The following MALRD1 variants were observed in gnomAD, a reference collection of about 807,000 sequenced individuals.
MALRD1 encodes the protein MAM and LDL-receptor class A domain-containing protein 1.
Under a neutral mutation model 242.1 loss-of-function variants are expected in MALRD1, and 247 were observed. That is an observed-to-expected ratio of 1.02 (90% CI 0.92 to 1.13). The LOEUF (loss-of-function observed/expected upper bound fraction) is 1.13. MALRD1 is among the 50% of genes most tolerant of loss of function. The pLI is 0.00. For synonymous variants in MALRD1, 995 were observed against 866.6 expected (o/e 1.15, Z -2.60); for missense variants, 2,989 against 2,533.1 (o/e 1.18, Z -3.86).
At chr10:19,591,779 T>C (rs1051444456) in intron 33 of MALRD1, among the ~76,000 whole-genome samples, 1 of 152,224 alleles carries the variant, frequency 6.6e-6, no homozygotes, top group Non-Finnish European at 1.5e-5. Context: ...ATTACAGGCA[T>C]GAGCCGCTAT....
intron 18 of MALRD1, among the ~76,000 whole-genome samples, chr10:19,246,284 T>C (rs944368743): frequency 1.6e-4 from 24 of 152,114 alleles, no homozygotes; most frequent in African/African-American, 5.8e-4. Context: ...TTCAGACACA[T>C]GTAGAGTTAT....
At chr10:19,180,907 T>G (rs559341523) in intron 14 of MALRD1, among the ~76,000 whole-genome samples, 1 of 152,154 alleles carries the variant, frequency 6.6e-6, no homozygotes, top group Non-Finnish European at 1.5e-5. Context: ...AGGCCCTGAA[T>G]AGACATTTCT....
chr10:19,638,101 C>CAAAAAAAAAAAAAAAAAAAA (rs56865342), intron 36 of MALRD1, among the ~76,000 whole-genome samples: 4 of 41,924 alleles, frequency 9.5e-5, no homozygotes, highest in African/African-American at 1.9e-4. Flanking sequence ...AACTCACTCT[C>CAAAAAAAAAAAAAAAAAAAA]AAAAAAAAAA....
chr10:19,531,384 G>A, intron 32 of MALRD1, 33 bp downstream of exon 32: 1 of 1,496,320 alleles, frequency 6.7e-7, no homozygotes, highest in Non-Finnish European at 9.0e-7. Context: ...TATGATCACT[G>A]AAATATGCAT....
chr10:19,061,663 G>A (rs999536402), intron 1 of MALRD1, among the ~76,000 whole-genome samples: 1 of 152,132 alleles, frequency 6.6e-6, no homozygotes, highest in Admixed American at 6.5e-5. Context: ...TGAGTTTTGA[G>A]AAGGGACCCA....
At chr10:19,705,639 T>G (rs1833827339) in intron 38 of MALRD1, among the ~76,000 whole-genome samples, 1 of 151,966 alleles carries the variant, frequency 6.6e-6, no homozygotes, top group African/African-American at 2.4e-5. Flanking sequence ...GCCACCAGCA[T>G]GATTCCTCCT....
chr10:19,448,897 C>G (rs559187018), intron 28 of MALRD1, among the ~76,000 whole-genome samples: 5 of 152,114 alleles, frequency 3.3e-5, no homozygotes, highest in African/African-American at 1.2e-4. Flanking sequence ...ACTGAATTCA[C>G]TTCATAAATC....
rs57305965 is a variant in MALRD1, at chr10:19,282,538, GT to G, written c.3257-480del. 5.7e-3 allele frequency among the ~76,000 whole-genome samples: 866 copies of G among 152,206 alleles called. 13 individuals are homozygous for G. The highest frequency in any genetic ancestry group is 0.02 in the African/African-American group (834 of 41,524). ...AAAATCGCTGGACCTGTAATTTCCT[GT>G]GATATTAGAATAAAATTATTACAAG... is the stretch of plus-strand genomic sequence containing the variant. On this transcript the variant is annotated intron_variant, in intron 20 of 39. Coordinates refer to ENST00000454679, the MANE Select transcript of MALRD1 (RefSeq NM_001142308.3).
At chr10:19,272,933 G>C (rs1339768609) in intron 19 of MALRD1, among the ~76,000 whole-genome samples, 1 of 152,124 alleles carries the variant, frequency 6.6e-6, no homozygotes, top group Non-Finnish European at 1.5e-5. Flanking sequence ...GTCTATCATT[G>C]ATGGACATTT....
intron 26 of MALRD1, among the ~76,000 whole-genome samples, chr10:19,362,734 A>T (rs890269478): frequency 6.6e-6 from 1 of 152,134 alleles, no homozygotes; most frequent in African/African-American, 2.4e-5. Context: ...ATGGGATCTG[A>T]CTTATATTTA....
At chr10:19,472,747 G>A (rs10740903) in intron 29 of MALRD1, among the ~76,000 whole-genome samples, 130,865 of 151,806 alleles carry the variant, frequency 0.86, 56,570 homozygotes, top group East Asian at 1. Flanking sequence ...CAGTGGTAAT[G>A]TCATTTATAA....
At chr10:19,243,213 C>CT (rs899516360) in intron 18 of MALRD1, among the ~76,000 whole-genome samples, 1 of 151,764 alleles carries the variant, frequency 6.6e-6, no homozygotes, top group African/African-American at 2.4e-5. Flanking sequence ...TCTCCCCCGC[C>CT]ACACACACAA....
intron 28 of MALRD1, among the ~76,000 whole-genome samples, chr10:19,418,655 T>C (rs1833602209): frequency 6.6e-6 from 1 of 152,224 alleles, no homozygotes; most frequent in Admixed American, 6.5e-5. Flanking sequence ...TAAGACATCA[T>C]ATTTTAATCA....
intron 32 of MALRD1, among the ~76,000 whole-genome samples, chr10:19,533,889 C>G (rs1454439746): frequency 6.6e-6 from 1 of 152,162 alleles, no homozygotes; most frequent in Non-Finnish European, 1.5e-5. Flanking sequence ...CGTGGGTGAC[C>G]TCAGTAGGGC....
At chr10:19,471,906 A>C (rs10827485) in intron 29 of MALRD1, among the ~76,000 whole-genome samples, 123,622 of 151,744 alleles carry the variant, frequency 0.81, 50,550 homozygotes, top group East Asian at 1. Flanking sequence ...AATTTGGATG[A>C]CTTTTATTTC....
chr10:19,431,202 C>T (rs993621549), intron 28 of MALRD1, among the ~76,000 whole-genome samples: 1 of 152,126 alleles, frequency 6.6e-6, no homozygotes, highest in Non-Finnish European at 1.5e-5. Flanking sequence ...CCACTTAATT[C>T]CCATCCTGCA....
intron 29 of MALRD1, chr10:19,488,877 T>G (rs751417354): frequency 2.0e-5 from 7 of 353,424 alleles, no homozygotes; most frequent in Non-Finnish European, 3.4e-5. Context: ...TTAGGATTTT[T>G]GTTAAGAATA....
intron 2 of MALRD1, among the ~76,000 whole-genome samples, chr10:19,074,333 C>G (rs1835252563): frequency 6.6e-6 from 1 of 152,004 alleles, no homozygotes; most frequent in Non-Finnish European, 1.5e-5. Context: ...CTTAATGATT[C>G]CTTATGTCTC....
chr10:19,259,583 C>A (rs974995137), intron 19 of MALRD1, among the ~76,000 whole-genome samples: 5 of 152,094 alleles, frequency 3.3e-5, no homozygotes, highest in Admixed American at 3.3e-4. Context: ...GAAAGACCCG[C>A]CCCCGTGATT....
Sources: gnomAD v4.1 joint callset for allele counts (sites outside exome capture counted in the v4.1 genomes callset) on GRCh38, gnomAD v4.1.1 for gene constraint, MANE v1.5 for transcripts, NCBI Gene and HGNC (gene_info 2026-07-23, HGNC 2026-07-21) for gene names.